FBXO7: variants seen among roughly 807,000 people sequenced by gnomAD.
FBXO7 encodes F-box protein 7.
A neutral mutation model predicts 50.2 loss-of-function variants in FBXO7; 31 were observed. The observed-to-expected ratio is 0.62, with a 90% confidence interval of 0.46 to 0.83. The LOEUF is 0.83. Ranked by LOEUF, FBXO7 falls within the 40% of genes least tolerant of loss-of-function variation. The pLI, the probability that FBXO7 is intolerant of heterozygous loss-of-function variation, is 0.00. For missense variants in FBXO7, 667 were observed against 646.6 expected, an observed-to-expected ratio of 1.03 and a Z score of -0.34; for synonymous variants, 256 against 253.1, an observed-to-expected ratio of 1.01 and a Z score of -0.11.
intron 1 of FBXO7, 75 bp downstream of exon 1, chr22:32,475,199 C>T: frequency 2.6e-6 from 4 of 1,511,670 alleles, no homozygotes; most frequent in Non-Finnish European, 3.5e-6. Flanking sequence ...GGGTTGGCGT[C>T]ATCTGTGGGC....
At position 32,485,116 on chromosome 22, in the gene FBXO7, G is replaced by C. The variant is rs767327051; in HGVS notation, c.694G>C (p.Gly232Arg). The change falls in exon 4 of 9, where the codon GGG becomes CGG. Residue 232 changes from glycine to arginine, a missense_variant. Coordinates refer to ENST00000266087, the MANE Select transcript of FBXO7 (RefSeq NM_012179.4). ...LSMPEKWKLSGVYKLQYMHPL... is the reference protein window; with the variant it reads ...LSMPEKWKLSRVYKLQYMHPL... Reference sequence around the variant, plus strand: ...CATGCCGGAGAAGTGGAAGTTGAGCGGGGTGTATAAGCTGCAGTACATGCA... The same window carrying C: ...CATGCCGGAGAAGTGGAAGTTGAGCCGGGTGTATAAGCTGCAGTACATGCA... 1 of 1,614,190 alleles carries C rather than the reference G, an allele frequency of 6.2e-7. No individual in the cohort carries two copies. Among genetic ancestry groups the C allele is most frequent in the Non-Finnish European group, 8.5e-7 (1 of 1,180,038 alleles).
Position 32,484,021 on chromosome 22 carries a change from A to AT in FBXO7, c.544dup (p.Ser182PhefsTer10). The stretch of plus-strand genomic sequence containing the variant: ...GAATCGGTGGAAGGGCAAGTGCCAC[A>AT]TTCATTAGAGACCTTGTATCAATCA... On this transcript the variant is annotated frameshift_variant, in exon 3 of 9. Coordinates refer to ENST00000266087, the MANE Select transcript of FBXO7 (RefSeq NM_012179.4). LOFTEE classifies it high-confidence loss of function. 1.2e-6 allele frequency: 2 copies of AT among 1,614,194 alleles called. No individual in the cohort carries two copies. Among genetic ancestry groups the AT allele is most frequent in the Non-Finnish European group, 1.7e-6 (2 of 1,180,024 alleles).
Position 32,487,817 on chromosome 22 carries a change from A to G in FBXO7, c.860A>G (p.Lys287Arg). ...LQLLPESFIC[K>R]EKLGENVANI... is the part of the protein sequence containing the mutation. The stretch of plus-strand genomic sequence containing the variant: ...CTGCTACCAGAATCTTTTATTTGCA[A>G]AGAGAAACTAGGTAATACAAACATT... The change falls in exon 5 of 9, where the codon AAA becomes AGA. Residue 287 changes from lysine to arginine, a missense_variant. By Grantham distance (26) the Lys-to-Arg change is conservative. Coordinates refer to ENST00000266087, the MANE Select transcript of FBXO7 (RefSeq NM_012179.4). 2 of 1,593,848 alleles carry G rather than the reference A, an allele frequency of 1.3e-6. No individual in the cohort carries two copies. The highest frequency in any genetic ancestry group is 1.1e-5 in the South Asian group (1 of 90,452).
At chr22:32,478,409 C>G (rs554872214) in intron 1 of FBXO7, among the ~76,000 whole-genome samples, 1 of 152,152 alleles carries the variant, frequency 6.6e-6, no homozygotes, top group South Asian at 2.1e-4. Context: ...ATCTTAATTT[C>G]AAAGATGTCA....
chr22:32,494,510 TTTTGTTTG>T (rs869306329), intron 7 of FBXO7, among the ~76,000 whole-genome samples: 8 of 152,074 alleles, frequency 5.3e-5, no homozygotes, highest in African/African-American at 1.9e-4. Flanking sequence ...CCTGGCCAAT[TTTTGTTTG>T]TTTGTTTGTT....
In FBXO7 at chr22:32,491,176, G is replaced by C; in HGVS notation, c.962G>C (p.Arg321Pro). Residue 321 changes from arginine (R) to proline (P), a missense_variant, in exon 6 of 9, where the codon CGA (arginine) becomes CCA (proline). Transcript: ENST00000266087. ...GTGTATCCTCTTCTGGCTTTTACCCGACAAGGTAAGAGATGAAATACTGTC... is the reference window on the plus strand; with the variant it reads ...GTGTATCCTCTTCTGGCTTTTACCCCACAAGGTAAGAGATGAAATACTGTC... The part of the protein sequence containing the change: ...QLVYPLLAFT[R>P]QALNLPDVFG... 6.3e-7 allele frequency: 1 copy of C among 1,589,600 alleles called. No homozygotes were observed. The highest frequency in any genetic ancestry group is 8.6e-7 in the Non-Finnish European group (1 of 1,158,126).
At chr22:32,478,472 A>G (rs556960994) in intron 1 of FBXO7, among the ~76,000 whole-genome samples, 1 of 152,316 alleles carries the variant, frequency 6.6e-6, no homozygotes, top group African/African-American at 2.4e-5. Context: ...GTGATAGAGG[A>G]TTACTGTATC....
chr22:32,485,012 T>A (rs2057489228), intron 3 of FBXO7, 56 bp from the exon 4 acceptor site: 1 of 1,612,600 alleles, frequency 6.2e-7, no homozygotes, highest in East Asian at 2.2e-5. Context: ...ATTTTTAATC[T>A]TTTTGAGAGT....
At position 32,487,061 on chromosome 22, in the gene FBXO7, TTTCTTTACTG is replaced by T. The variant is rs1601510755; in HGVS notation, c.788-678_788-669del. 6.6e-5 allele frequency among the ~76,000 whole-genome samples: 10 copies of T among 152,372 alleles called. No homozygotes were observed. The East Asian group carries it at 1.9e-3, about 29-fold the overall frequency. On this transcript the variant is annotated intron_variant, in intron 4 of 8. Coordinates refer to ENST00000266087, the MANE Select transcript of FBXO7 (RefSeq NM_012179.4). Reference sequence around the variant, plus strand: ...TGATTTCCTAATTTCTGATGTTTTGTTTCTTTACTGTTCTTGGCAAATCAGCTCTTGGCAG... The same window carrying T: ...TGATTTCCTAATTTCTGATGTTTTGTTTCTTGGCAAATCAGCTCTTGGCAG...
chr22:32,498,705 G>T lies in FBXO7; in HGVS notation c.*175G>T. 1 of 725,126 alleles carries T rather than the reference G, an allele frequency of 1.4e-6. No individual in the cohort carries two copies. Among genetic ancestry groups the T allele is most frequent in the East Asian group, 2.7e-5 (1 of 36,750 alleles). The allele number at this position is 725,126 out of a possible 1,614,324, so 44.9% of individuals were successfully genotyped here. On this transcript the variant is annotated 3_prime_UTR_variant, in exon 9 of 9. Transcript: ENST00000266087. ...GCCCTAGGGGTGGTATGACCCAAAG[G>T]TTCCTCTGTGACAAGGTTGGCCTTG...
chr22:32,477,089 G>A (rs1430679636), intron 1 of FBXO7, among the ~76,000 whole-genome samples: 2 of 152,170 alleles, frequency 1.3e-5, no homozygotes, highest in Non-Finnish European at 2.9e-5. Flanking sequence ...TGGTGTTTTT[G>A]TGGGCAAATG....
chr22:32,487,828 G>A lies in FBXO7; in HGVS notation c.871G>A (p.Gly291Arg). ...ATCTTTTATTTGCAAAGAGAAACTA[G>A]GTAATACAAACATTATTTAACTTTT... ...PESFICKEKL[G>R]ENVANIYKDL... Residue 291 changes from glycine (G) to arginine (R), a missense_variant and splice_region_variant, in exon 5 of 9, where the codon GGG becomes AGG. Coordinates refer to ENST00000266087, the MANE Select transcript of FBXO7 (RefSeq NM_012179.4). 6.4e-7 allele frequency: 1 copy of A among 1,573,462 alleles called. No individual in the cohort carries two copies. The highest frequency in any genetic ancestry group is 8.7e-7 in the Non-Finnish European group (1 of 1,144,060).
chr22:32,479,696 C>T (rs2057452380), intron 2 of FBXO7, among the ~76,000 whole-genome samples: 1 of 152,124 alleles, frequency 6.6e-6, no homozygotes, highest in Admixed American at 6.6e-5. Flanking sequence ...CGCCTGGCTG[C>T]AGATTATATT....
chr22:32,475,174 G>A (rs954710449), intron 1 of FBXO7, 50 bp downstream of exon 1: 7 of 1,528,896 alleles, frequency 4.6e-6, no homozygotes, highest in Non-Finnish European at 5.3e-6. Context: ...GGAGTGCTTG[G>A]GGTGGGTGCA....
chr22:32,488,389 T>G (rs1054495022), intron 5 of FBXO7: 1 of 152,906 alleles, frequency 6.5e-6, no homozygotes, highest in African/African-American at 2.4e-5. Context: ...GAAGACAGGT[T>G]TTCCCTTTTA....
chr22:32,494,452 C>G (rs936788150), intron 7 of FBXO7, among the ~76,000 whole-genome samples: 6 of 152,110 alleles, frequency 3.9e-5, no homozygotes, highest in African/African-American at 7.2e-5. Context: ...GTGATCCTCC[C>G]TCCTCAGCCT....
In FBXO7 at chr22:32,474,872, C is replaced by T; in HGVS notation, c.-131C>T. 2.2e-6 allele frequency: 2 copies of T among 898,012 alleles called. No individual in the cohort carries two copies. Among genetic ancestry groups the T allele is most frequent in the Non-Finnish European group, 3.2e-6 (2 of 619,660 alleles). The allele number at this position is 898,012 out of a possible 1,614,324, so 55.6% of individuals were successfully genotyped here. On this transcript the variant is annotated 5_prime_UTR_variant, in exon 1 of 9. Transcript: ENST00000266087. ...GTGGCGGGGCTCTTTCCCCGTTTCG[C>T]CTCAGCTACCCCTCAGCTCCGGTAG...
rs2057415011 is a variant in FBXO7, at chr22:32,474,837, G to A, written c.-166G>A. 2 of 667,084 alleles carry A rather than the reference G, an allele frequency of 3.0e-6. No homozygotes were observed. Among genetic ancestry groups the A allele is most frequent in the Non-Finnish European group, 4.9e-6 (2 of 411,216 alleles). The allele number at this position is 667,084 out of a possible 1,614,324, so 41.3% of individuals were successfully genotyped here. On this transcript the variant is annotated 5_prime_UTR_variant, in exon 1 of 9. Coordinates refer to ENST00000266087, the MANE Select transcript of FBXO7 (RefSeq NM_012179.4). ...CTCTATTCCAGAGACCGAGTGGCAG[G>A]GCGGCCACTGTGGCGGGGCTCTTTC...
intron 1 of FBXO7, among the ~76,000 whole-genome samples, chr22:32,477,334 C>G (rs1449324946): frequency 2.0e-5 from 3 of 152,056 alleles, no homozygotes. Flanking sequence ...TAAAGGACTT[C>G]ATCTTTTGTT....
Sources: gnomAD v4.1 joint callset for allele counts (sites outside exome capture counted in the v4.1 genomes callset) on GRCh38, gnomAD v4.1.1 for gene constraint, MANE v1.5 for transcripts, NCBI Gene and HGNC (gene_info 2026-07-23, HGNC 2026-07-21) for gene names.